Variants in ZAP70 observed in about 807,000 individuals in gnomAD.
ZAP70 encodes the protein zeta chain of T cell receptor associated protein kinase 70, also known as tyrosine-protein kinase ZAP-70.
In ZAP70, 27 loss-of-function variants were observed where a neutral mutation model predicts 65.8. That is an observed-to-expected ratio of 0.41 (90% CI 0.30 to 0.57). The LOEUF is 0.57. ZAP70 is among the 20% of genes least tolerant of loss of function. The pLI, the probability that ZAP70 is intolerant of heterozygous loss-of-function variation, is 0.28. For missense variants in ZAP70, 696 were observed against 870.5 expected (o/e 0.80, Z 2.52); for synonymous variants, 363 against 360.8 (o/e 1.01, Z -0.07).
At chr2:97,732,620 C>T (rs749343326) in intron 4 of ZAP70, 7 of 570,976 alleles carry the variant, frequency 1.2e-5, no homozygotes, top group East Asian at 3.0e-5. Flanking sequence ...AGGTATTCCC[C>T]GTGAATGGCC....
At chr2:97,740,586 T>TA (rs1310870395), downstream of ZAP70, among the ~76,000 whole-genome samples, 7 of 152,138 alleles carry the variant, frequency 4.6e-5, no homozygotes, top group Non-Finnish European at 7.4e-5. Context: ...AAGGAGGCAT[T>TA]AAAAAATGGG....
chr2:97,730,098 G>A (rs183018568), intron 4 of ZAP70, among the ~76,000 whole-genome samples: 1 of 152,222 alleles, frequency 6.6e-6, no homozygotes, highest in East Asian at 1.9e-4. Context: ...ATGATGGTGG[G>A]TGCCTGTAAT....
At chr2:97,725,510 G>C (rs994462293) in intron 4 of ZAP70, among the ~76,000 whole-genome samples, 2 of 152,196 alleles carry the variant, frequency 1.3e-5, no homozygotes, top group African/African-American at 4.8e-5. Flanking sequence ...TGTGGCCCTT[G>C]GGCAAGTAGC....
chr2:97,724,918 G>T (rs1178888644), intron 3 of ZAP70, 174 bp from the exon 4 acceptor site: 5 of 1,533,908 alleles, frequency 3.3e-6, no homozygotes, highest in Non-Finnish European at 4.4e-6. Context: ...TCCCTAGCTG[G>T]ATTGGGGAGG....
rs182093237 is a variant in ZAP70, at chr2:97,715,748, T to C, written c.-22+1754T>C. Among the ~76,000 whole-genome samples, 3 of 152,330 alleles carry C rather than the reference T, an allele frequency of 2.0e-5. No homozygotes were observed. Among genetic ancestry groups the C allele is most frequent in the Non-Finnish European group, 4.4e-5 (3 of 68,030 alleles). On this transcript the variant is annotated intron_variant, in intron 2 of 13. Transcript: ENST00000264972. The surrounding 1 kb of genome is among the most constrained non-coding windows in gnomAD (Gnocchi z 4.1). ...GACATTGACCTCTCCGAGCCTCAGTTTCTTTAGCTGAGGAGTGGGATAACA... is the reference window on the plus strand; with the variant it reads ...GACATTGACCTCTCCGAGCCTCAGTCTCTTTAGCTGAGGAGTGGGATAACA...
intron 4 of ZAP70, 139 bp downstream of exon 4, chr2:97,725,391 C>T: frequency 1.8e-6 from 2 of 1,093,328 alleles, no homozygotes; most frequent in Non-Finnish European, 2.7e-6. Context: ...TTGTGTGTTT[C>T]TGATGTGCAA....
rs754055723 is a variant in ZAP70 at position 97,733,150 on chromosome 2, C to T, written c.728C>T (p.Ala243Val). The stretch of plus-strand genomic sequence containing the variant: ...CTGGTGGAGTATCTGAAGCTGAAGG[C>T]GGACGGGCTCATCTACTGCCTGAAG... ...WQLVEYLKLK[A>V]DGLIYCLKEA... Residue 243 changes from alanine to valine, a missense_variant, in exon 6 of 14, where the codon GCG becomes GTG. Physicochemically the swap from Ala to Val is moderately conservative, Grantham distance 64. Transcript: ENST00000264972. 21 of 1,613,820 alleles carry T rather than the reference C, an allele frequency of 1.3e-5. No homozygotes were observed. The highest frequency in any genetic ancestry group is 2.7e-5 in the African/African-American group (2 of 74,922).
intron 10 of ZAP70, 143 bp downstream of exon 10, chr2:97,735,599 C>G (rs1413002077): frequency 1.1e-6 from 1 of 943,180 alleles, no homozygotes; most frequent in Admixed American, 2.6e-5. Flanking sequence ...CCTGCACACC[C>G]ACACCCATAC....
intron 4 of ZAP70, among the ~76,000 whole-genome samples, chr2:97,728,314 A>C (rs918484630): frequency 6.6e-6 from 1 of 152,218 alleles, no homozygotes; most frequent in East Asian, 1.9e-4. Context: ...GATGCCCAGC[A>C]TCTGGGCACA....
chr2:97,745,944 G>A, the ZAP70 span, among the ~76,000 whole-genome samples: 2 of 152,140 alleles, frequency 1.3e-5, no homozygotes, highest in African/African-American at 4.8e-5. Context: ...AAAATGAGGT[G>A]TATACATTCC....
rs1477068372 is a variant in ZAP70, at chr2:97,731,484, G to GC, written c.564-1394dup. Among the ~76,000 whole-genome samples, 1 of 152,044 alleles carries GC rather than the reference G, an allele frequency of 6.6e-6. No individual in the cohort carries two copies. Among genetic ancestry groups the GC allele is most frequent in the African/African-American group, 2.4e-5 (1 of 41,384 alleles). On this transcript the variant is annotated intron_variant, in intron 4 of 13. Coordinates refer to ENST00000264972, the MANE Select transcript of ZAP70 (RefSeq NM_001079.4). The surrounding 1 kb of genome is among the most constrained non-coding windows in gnomAD (Gnocchi z 4.0). ...CCTTGCCCTTTTGTGTGCCCTCATT[G>GC]CCCCCGCCCTGATTTCCCATCTCTC...
chr2:97,713,654 A>G lies in ZAP70; in HGVS notation c.-121A>G. 6.6e-6 allele frequency: 1 copy of G among 152,374 alleles called. No individual in the cohort carries two copies. Among genetic ancestry groups the G allele is most frequent in the South Asian group, 2.1e-4 (1 of 4,826 alleles). The allele number at this position is 152,374 out of a possible 1,614,324, so 9.4% of individuals were successfully genotyped here. A position where few individuals can be genotyped will look rare whatever the true frequency, so the allele number is the denominator to read the frequency against. On this transcript the variant is annotated 5_prime_UTR_variant, in exon 1 of 14. Coordinates refer to ENST00000264972, the MANE Select transcript of ZAP70 (RefSeq NM_001079.4). Reference sequence around the variant, plus strand: ...AGGCCTGGCCCACCGTGGGCCTCAGAGCTGCTGCTGGGGCATTCAGGTAAG... The same window carrying G: ...AGGCCTGGCCCACCGTGGGCCTCAGGGCTGCTGCTGGGGCATTCAGGTAAG...
rs1192967709 is a variant in ZAP70, at chr2:97,736,865, G to A, written c.1290-608G>A. 2.0e-5 allele frequency among the ~76,000 whole-genome samples: 3 copies of A among 152,150 alleles called. No individual in the cohort carries two copies. Among genetic ancestry groups the A allele is most frequent in the African/African-American group, 7.2e-5 (3 of 41,418 alleles). ...CCCTGAGTTGGGTGGGAGCTAGGGG[G>A]TGCTGTGAGCAGAGGAGGGGGAGGA... On this transcript the variant is annotated intron_variant, in intron 10 of 13. Transcript: ENST00000264972. The surrounding 1 kb of genome is among the most constrained non-coding windows in gnomAD (Gnocchi z 4.0).
chr2:97,717,082 C>A (rs183716791), intron 2 of ZAP70, among the ~76,000 whole-genome samples: 16 of 152,352 alleles, frequency 1.1e-4, no homozygotes, highest in Admixed American at 2.0e-4. Context: ...ACCAAGCTGG[C>A]GTGTGCTGAC....
At chr2:97,725,404 G>A (rs755137033) in intron 4 of ZAP70, 152 bp downstream of exon 4, 5 of 974,360 alleles carry the variant, frequency 5.1e-6, no homozygotes, top group Non-Finnish European at 7.7e-6. Flanking sequence ...ATGTGCAAAG[G>A]GACTTGCACA....
At chr2:97,734,274 TG>T in intron 8 of ZAP70, 1 of 1,129,028 alleles carries the variant, frequency 8.9e-7, no homozygotes, top group Non-Finnish European at 1.2e-6. Flanking sequence ...CGGTGCCACG[TG>T]GATACCAATG....
At position 97,715,841 on chromosome 2, in the gene ZAP70, TC is replaced by T. The variant is rs765383789; in HGVS notation, c.-22+1851del. 6.6e-6 allele frequency among the ~76,000 whole-genome samples: 1 copy of T among 152,140 alleles called. No individual in the cohort carries two copies. The highest frequency in any genetic ancestry group is 1.5e-5 in the Non-Finnish European group (1 of 68,028). ...CTAATGCTCGCAAAGGGTAGTGCAG[TC>T]CCCAGCACAGAGGCTGTTGTGATTG... is the stretch of plus-strand genomic sequence containing the variant. On this transcript the variant is annotated intron_variant, in intron 2 of 13. Transcript: ENST00000264972. This position sits in a 1 kb window ranked among gnomAD's most constrained non-coding sequence, Gnocchi z 4.1.
chr2:97,725,198 G>A lies in ZAP70; in HGVS notation c.509G>A (p.Arg170His). 6.2e-7 allele frequency: 1 copy of A among 1,614,202 alleles called. No homozygotes were observed. The highest frequency in any genetic ancestry group is 1.1e-5 in the South Asian group (1 of 91,090). ...CCCTGGTACCACAGCAGCCTGACGC[G>A]TGAGGAGGCCGAGCGCAAACTTTAC... ...RMPWYHSSLT[R>H]EEAERKLYSG... is the part of the protein sequence containing the mutation. The change falls in exon 4 of 14, where the codon CGT (arginine) becomes CAT (histidine). Residue 170 changes from arginine (R) to histidine (H), a missense_variant. This residue lies in a region of ZAP70 where 551 missense variants were observed against 630.0 expected (regional missense o/e 0.87). Transcript: ENST00000264972.
At chr2:97,732,555 T>C in intron 4 of ZAP70, 1 of 441,008 alleles carries the variant, frequency 2.3e-6, no homozygotes, top group South Asian at 2.2e-5. Flanking sequence ...GACCAGGTGT[T>C]CCCCAGTGGA....
Sources: allele counts gnomAD v4.1 joint callset (sites outside exome capture counted in the v4.1 genomes callset), GRCh38; gene constraint gnomAD v4.1.1; regional missense constraint gnomAD v4.1.1; non-coding constraint Gnocchi (gnomAD v3.1); transcripts MANE v1.5; gene names NCBI Gene and HGNC (gene_info 2026-07-23, HGNC 2026-07-21).